Variants in CLASP2 observed in about 807,000 individuals in gnomAD.
The protein encoded by CLASP2 is CLIP-associating protein 2.
A neutral mutation model predicts 194.4 loss-of-function variants in CLASP2; 47 were observed. The observed-to-expected ratio is 0.24, with a 90% CI of 0.19 to 0.31. CLASP2 has a LOEUF of 0.31. CLASP2 is among the 10% of genes least tolerant of loss of function. CLASP2 has a pLI of 1.00. For missense variants in CLASP2, 1,445 were observed against 1,823.6 expected, an observed-to-expected ratio of 0.79 and a Z score of 3.78; for synonymous variants, 619 against 633.5, an observed-to-expected ratio of 0.98 and a Z score of 0.34.
chr3:33,717,816 T>C lies in CLASP2; in HGVS notation c.187A>G (p.Asn63Asp). 6.4e-7 allele frequency: 1 copy of C among 1,557,742 alleles called. No individual in the cohort carries two copies. Among genetic ancestry groups the C allele is most frequent in the Non-Finnish European group, 8.7e-7 (1 of 1,151,524 alleles). The change falls in exon 1 of 39, where the codon AAC (asparagine) becomes GAC (aspartate). Residue 63 changes from asparagine (N) to aspartate (D), a missense_variant. Transcript: ENST00000682230. Reference protein sequence around the residue: ...DALTGWVGSSNYRVSLMGLEI... With the variant: ...DALTGWVGSSDYRVSLMGLEI... ...TCGCCGCCGTCGCTTACCCGGTAGT[T>C]GCTCGAACCCACCCAGCCGGTGAGC...
At chr3:33,593,255 C>T (rs1165521612) in intron 20 of CLASP2, among the ~76,000 whole-genome samples, 4 of 152,044 alleles carry the variant, frequency 2.6e-5, no homozygotes, top group African/African-American at 9.7e-5. Flanking sequence ...AAGTTAGCTG[C>T]AGTTAATAAA....
chr3:33,600,394 C>A (rs1343752178), intron 18 of CLASP2, among the ~76,000 whole-genome samples: 1 of 152,010 alleles, frequency 6.6e-6, no homozygotes, highest in Admixed American at 6.6e-5. Context: ...GACTTCTGTT[C>A]CTAGTTTGTT....
intron 22 of CLASP2, 68 bp from the exon 23 acceptor site, chr3:33,581,996 T>C (rs1333708854): frequency 2.6e-6 from 3 of 1,168,408 alleles, no homozygotes; most frequent in Non-Finnish European, 3.7e-6. Context: ...TTTTAAAAAA[T>C]TTTGTTTTTT....
chr3:33,523,847 A>C (rs1357662514), intron 34 of CLASP2, among the ~76,000 whole-genome samples: 4 of 152,192 alleles, frequency 2.6e-5, no homozygotes, highest in Non-Finnish European at 5.9e-5. Context: ...AAAAGCACAG[A>C]GTTTTTGTAT....
intron 24 of CLASP2, among the ~76,000 whole-genome samples, chr3:33,574,962 C>T (rs545253215): frequency 6.6e-5 from 10 of 152,222 alleles, no homozygotes; most frequent in Admixed American, 4.6e-4. Context: ...ATAATTCAAA[C>T]ACACCATCTC....
intron 1 of CLASP2, among the ~76,000 whole-genome samples, chr3:33,715,507 T>C (rs1251870215): frequency 6.6e-6 from 1 of 152,132 alleles, no homozygotes; most frequent in Non-Finnish European, 1.5e-5. Flanking sequence ...AAGACAAGGA[T>C]TTGTCTTTTT....
intron 1 of CLASP2, among the ~76,000 whole-genome samples, chr3:33,714,885 T>C (rs542896482): frequency 1.1e-4 from 17 of 152,098 alleles, no homozygotes; most frequent in Admixed American, 7.2e-4. Flanking sequence ...ACCTCCACCA[T>C]ATTTAGAATA....
intron 5 of CLASP2, among the ~76,000 whole-genome samples, chr3:33,686,338 G>A (rs1290812344): frequency 1.3e-5 from 2 of 152,176 alleles, no homozygotes; most frequent in Non-Finnish European, 2.9e-5. Flanking sequence ...TTCATAGCCT[G>A]TTCAAGGACC....
intron 21 of CLASP2, chr3:33,592,113 C>T: frequency 1.5e-6 from 1 of 659,312 alleles, no homozygotes; most frequent in East Asian, 2.7e-5. Context: ...TGGCAGATAT[C>T]AATGATGCAG....
At chr3:33,610,302 C>A (rs565709074) in intron 13 of CLASP2, among the ~76,000 whole-genome samples, 2 of 152,288 alleles carry the variant, frequency 1.3e-5, no homozygotes, top group African/African-American at 4.8e-5. Flanking sequence ...CTTTTCATAA[C>A]ATTCAAAGCC....
At chr3:33,669,482 AGAGT>A (rs1163565896) in intron 6 of CLASP2, among the ~76,000 whole-genome samples, 3 of 152,164 alleles carry the variant, frequency 2.0e-5, no homozygotes, top group Admixed American at 2.0e-4. Flanking sequence ...AGCAAGTCAC[AGAGT>A]GAGAGAAGAT....
chr3:33,662,566 C>A (rs372918271), intron 7 of CLASP2, among the ~76,000 whole-genome samples: 1 of 152,288 alleles, frequency 6.6e-6, no homozygotes, highest in African/African-American at 2.4e-5. Context: ...CTCCATCTGA[C>A]TTCCCGCAAC....
intron 1 of CLASP2, among the ~76,000 whole-genome samples, chr3:33,701,817 C>A (rs2092395073): frequency 6.6e-6 from 1 of 151,982 alleles, no homozygotes; most frequent in Non-Finnish European, 1.5e-5. Flanking sequence ...AAAATCAACT[C>A]AAAAATGTAT....
intron 34 of CLASP2, among the ~76,000 whole-genome samples, chr3:33,517,972 C>T (rs1335815383): frequency 6.6e-6 from 1 of 152,184 alleles, no homozygotes; most frequent in Non-Finnish European, 1.5e-5. Context: ...CCAAAGGTTT[C>T]AGTCACTGAT....
intron 1 of CLASP2, among the ~76,000 whole-genome samples, chr3:33,714,641 C>T (rs1013518488): frequency 3.9e-5 from 6 of 152,216 alleles, no homozygotes; most frequent in Admixed American, 1.3e-4. Context: ...CCATTGCTAT[C>T]AAACCAGGCC....
In CLASP2 at chr3:33,584,886, C is replaced by T. The variant is rs766677667; in HGVS notation, c.2103G>A (p.Leu701=). The T allele has an allele frequency of 9.3e-6, 15 of 1,613,298 alleles. No individual in the cohort carries two copies. In the East Asian group the frequency reaches 3.3e-4, roughly 36 times the overall value. Reference sequence around the variant, plus strand: ...TCACAGTGGACAGGGCTGTTGTGGTCAGAACTCTTCCTGGAGACCCAGACC... The same window carrying T: ...TCACAGTGGACAGGGCTGTTGTGGTTAGAACTCTTCCTGGAGACCCAGACC... ...GSRSGSPGRV[L]TTTALSTVSS... is the part of the protein sequence containing the mutation. Residue 701 remains leucine (L), a synonymous_variant, in exon 22 of 39, where the codon CTG becomes CTA. Transcript: ENST00000682230.
intron 1 of CLASP2, among the ~76,000 whole-genome samples, chr3:33,715,414 C>A (rs2093245520): frequency 6.6e-6 from 1 of 152,138 alleles, no homozygotes; most frequent in South Asian, 2.1e-4. Flanking sequence ...TTTCTCCAAA[C>A]CACTTATCAC....
intron 6 of CLASP2, among the ~76,000 whole-genome samples, chr3:33,672,679 A>G (rs1283800430): frequency 6.6e-6 from 1 of 152,228 alleles, no homozygotes; most frequent in African/African-American, 2.4e-5. Context: ...AAGGCAAAGA[A>G]GTTAAAAACT....
At chr3:33,506,682 T>C (rs2048330894) in intron 37 of CLASP2, among the ~76,000 whole-genome samples, 1 of 152,116 alleles carries the variant, frequency 6.6e-6, no homozygotes, top group Non-Finnish European at 1.5e-5. Flanking sequence ...GAGGTAGGGG[T>C]TCAACTTCAT....
Sources: gnomAD v4.1 joint callset for allele counts (sites outside exome capture counted in the v4.1 genomes callset) on GRCh38, gnomAD v4.1.1 for gene constraint, MANE v1.5 for transcripts, NCBI Gene and HGNC (gene_info 2026-07-23, HGNC 2026-07-21) for gene names.